Variants in SLC14A2 observed in about 807,000 individuals in gnomAD.
The protein encoded by SLC14A2 is solute carrier family 14 member 2.
Under a neutral mutation model 104.6 loss-of-function variants are expected in SLC14A2, and 91 were observed. The ratio of observed to expected loss-of-function variants is 0.87; its 90% CI spans 0.73 to 1.04. The LOEUF is 1.04. Among genes scored for constraint, SLC14A2 ranks in the 50% least tolerant of loss-of-function variants. SLC14A2 has a pLI of 0.00. For missense variants in SLC14A2, 1,189 were observed against 1,156.0 expected, an observed-to-expected ratio of 1.03 and a Z score of -0.41; for synonymous variants, 476 against 466.4, an observed-to-expected ratio of 1.02 and a Z score of -0.27.
At chr18:45,367,538 G>A (rs977281072) in intron 1 of SLC14A2, among the ~76,000 whole-genome samples, 16 of 152,206 alleles carry the variant, frequency 1.1e-4, no homozygotes, top group Admixed American at 1.0e-3. Context: ...ATGTCAACCT[G>A]TGGACTCAAC....
chr18:45,384,935 C>T (rs1218568723), intron 1 of SLC14A2, among the ~76,000 whole-genome samples: 1 of 152,158 alleles, frequency 6.6e-6, no homozygotes, highest in Non-Finnish European at 1.5e-5. Context: ...CATGATGGCA[C>T]CTTCAAGTAA....
chr18:45,361,281 C>G (rs1007375274), intron 1 of SLC14A2, among the ~76,000 whole-genome samples: 2 of 152,174 alleles, frequency 1.3e-5, no homozygotes, highest in Non-Finnish European at 2.9e-5. Flanking sequence ...AGCCACAGGA[C>G]AGAATGCAGT....
At chr18:45,206,483 G>A in the SLC14A2 span, among the ~76,000 whole-genome samples, 2 of 152,010 alleles carry the variant, frequency 1.3e-5, no homozygotes, top group African/African-American at 4.8e-5. Flanking sequence ...CTGCCTAAAG[G>A]TATTCAGCGA....
chr18:45,535,440 T>G (rs1163486566), intron 2 of SLC14A2, among the ~76,000 whole-genome samples: 1 of 152,218 alleles, frequency 6.6e-6, no homozygotes, highest in Non-Finnish European at 1.5e-5. Flanking sequence ...ACAGTCTCCG[T>G]TACTCCGTAG....
intron 18 of SLC14A2, among the ~76,000 whole-genome samples, chr18:45,677,846 G>T (rs564808769): frequency 6.6e-6 from 1 of 152,134 alleles, no homozygotes; most frequent in Non-Finnish European, 1.5e-5. Flanking sequence ...ATGAGGTCTT[G>T]CTCTGTCACC....
At chr18:45,553,307 C>A (rs980061511) in intron 2 of SLC14A2, among the ~76,000 whole-genome samples, 4 of 152,190 alleles carry the variant, frequency 2.6e-5, no homozygotes, top group African/African-American at 9.7e-5. Flanking sequence ...CCCCCTATGT[C>A]ACTGTGGCCC....
At chr18:45,183,993 A>G in the SLC14A2 span, among the ~76,000 whole-genome samples, 3 of 140,072 alleles carry the variant, frequency 2.1e-5, no homozygotes, top group South Asian at 2.3e-4. Context: ...CCCTCAAGCA[A>G]TCCTCCAATC....
chr18:45,498,325 T>G, intron 2 of SLC14A2, among the ~76,000 whole-genome samples: 1 of 152,320 alleles, frequency 6.6e-6, no homozygotes, highest in Non-Finnish European at 1.5e-5. Flanking sequence ...TCTGTGAGGC[T>G]GAGAGCTCAA....
intron 1 of SLC14A2, among the ~76,000 whole-genome samples, chr18:45,455,500 G>A (rs150669650): frequency 2.1e-3 from 323 of 152,134 alleles, no homozygotes; most frequent in African/African-American, 7.4e-3. Flanking sequence ...GTCAGAGGGT[G>A]GGGGGCTAGG....
chr18:45,667,853 T>C lies in SLC14A2; in HGVS notation c.1738T>C (p.Phe580Leu). The change falls in exon 14 of 20, where the codon TTC becomes CTC. Residue 580 changes from phenylalanine (F) to leucine (L), a missense_variant. Transcript: ENST00000255226. ...GLKDKSPVFQ[F>L]FDWVLRGTSQ... is the part of the protein sequence containing the mutation. ...TTCAGACAAGTCCCCAGTGTTCCAG[T>C]TCTTTGACTGGGTCCTCCGAGGCAC... 6.2e-7 allele frequency: 1 copy of C among 1,614,140 alleles called. No individual in the cohort carries two copies. The highest frequency in any genetic ancestry group is 8.5e-7 in the Non-Finnish European group (1 of 1,179,990).
intron 1 of SLC14A2, among the ~76,000 whole-genome samples, chr18:45,470,768 G>A (rs1269953464): frequency 6.6e-6 from 1 of 152,048 alleles, no homozygotes; most frequent in Non-Finnish European, 1.5e-5. Context: ...TCATGATGAT[G>A]ACGATGATGA....
At chr18:45,392,255 T>A (rs1424923658) in intron 1 of SLC14A2, among the ~76,000 whole-genome samples, 1 of 152,186 alleles carries the variant, frequency 6.6e-6, no homozygotes, top group African/African-American at 2.4e-5. Flanking sequence ...CCAACACACA[T>A]GCTTCTCCCC....
intron 1 of SLC14A2, among the ~76,000 whole-genome samples, chr18:45,271,724 C>T (rs1372351387): frequency 6.6e-6 from 1 of 152,018 alleles, no homozygotes; most frequent in African/African-American, 2.4e-5. Flanking sequence ...TCCTTACTAC[C>T]CAAAGCAATC....
At chr18:45,211,465 T>C (rs1345383811), upstream of SLC14A2, among the ~76,000 whole-genome samples, 2 of 152,220 alleles carry the variant, frequency 1.3e-5, no homozygotes, top group Admixed American at 1.3e-4. Flanking sequence ...ATGACTTCTT[T>C]AACTTTTAGG....
At chr18:45,668,942 G>A (rs1023972363) in intron 15 of SLC14A2, among the ~76,000 whole-genome samples, 3 of 152,144 alleles carry the variant, frequency 2.0e-5, no homozygotes, top group Admixed American at 6.5e-5. Flanking sequence ...AGAAAACACA[G>A]GGCACCCTGG....
intron 1 of SLC14A2, among the ~76,000 whole-genome samples, chr18:45,467,248 A>T (rs1402223734): frequency 6.6e-6 from 1 of 152,250 alleles, no homozygotes; most frequent in Non-Finnish European, 1.5e-5. Flanking sequence ...CATATAGCCA[A>T]GCTCCTTAAA....
intron 1 of SLC14A2, among the ~76,000 whole-genome samples, chr18:45,250,497 T>C (rs960544836): frequency 1.3e-5 from 2 of 152,216 alleles, no homozygotes; most frequent in Non-Finnish European, 2.9e-5. Context: ...TTTATGACTC[T>C]TGTTTTCTCT....
intron 1 of SLC14A2, among the ~76,000 whole-genome samples, chr18:45,272,036 C>G (rs536973578): frequency 8.5e-5 from 13 of 152,142 alleles, no homozygotes; most frequent in African/African-American, 2.4e-4. Context: ...ATACCAAAAA[C>G]ATACACTAGG....
intron 2 of SLC14A2, among the ~76,000 whole-genome samples, chr18:45,547,364 C>G (rs1342094001): frequency 6.6e-6 from 1 of 152,108 alleles, no homozygotes; most frequent in Admixed American, 6.5e-5. Context: ...TGTCCAAGCC[C>G]TTTCCCTCCA....
Sources: allele counts gnomAD v4.1 joint callset (sites outside exome capture counted in the v4.1 genomes callset), GRCh38; gene constraint gnomAD v4.1.1; transcripts MANE v1.5; gene names NCBI Gene and HGNC (gene_info 2026-07-23, HGNC 2026-07-21).